CDC6: variants seen among roughly 807,000 people sequenced by gnomAD.
CDC6 encodes the protein DNA replication factor CDC6.
CDC6 carries 46 observed loss-of-function variants against 60.2 expected under a neutral mutation model. The observed-to-expected ratio is 0.76, with a 90% CI of 0.60 to 0.98. The LOEUF (loss-of-function observed/expected upper bound fraction) is 0.98. Among genes scored for constraint, CDC6 ranks in the 50% least tolerant of loss-of-function variants. The pLI is 0.00. For missense variants in CDC6, 596 were observed against 652.9 expected, an observed-to-expected ratio of 0.91 and a Z score of 0.95; for synonymous variants, 210 against 233.2, an observed-to-expected ratio of 0.90 and a Z score of 0.90.
chr17:40,293,874 A>G, intron 5 of CDC6, 76 bp from the exon 6 acceptor site: 3 of 1,269,924 alleles, frequency 2.4e-6, no homozygotes, highest in Non-Finnish European at 2.3e-6. Flanking sequence ...TAGGAAAGTG[A>G]CCTGAAGTCA....
chr17:40,294,468 C>G lies in CDC6; in HGVS notation c.1048C>G (p.Gln350Glu). The G allele has an allele frequency of 6.2e-7, 1 of 1,613,998 alleles. No individual in the cohort carries two copies. Among genetic ancestry groups the G allele is most frequent in the Non-Finnish European group, 8.5e-7 (1 of 1,179,912 alleles). ...GAACTTCCCACCTTATACCAGAAATCAGATAGTCACTATTTTGCAAGATCG... is the reference window on the plus strand; with the variant it reads ...GAACTTCCCACCTTATACCAGAAATGAGATAGTCACTATTTTGCAAGATCG... ...LLNFPPYTRN[Q>E]IVTILQDRLN... The change falls in exon 7 of 12, where the codon CAG becomes GAG. Residue 350 changes from glutamine (Q) to glutamate (E), a missense_variant. By Grantham distance (29) the Gln-to-Glu change is conservative. Transcript: ENST00000209728.
Position 40,291,225 on chromosome 17 carries a change from C to G in CDC6, c.346C>G (p.His116Asp), listed in dbSNP as rs1272291784. The G allele has an allele frequency of 2.5e-6, 4 of 1,614,038 alleles. No individual in the cohort carries two copies. The highest frequency in any genetic ancestry group is 1.3e-5 in the African/African-American group (1 of 74,932). ...SPSKRELAKV[H>D]QNKILSSVRK... Reference sequence around the variant, plus strand: ...TAGCAAAAGAGAACTAGCCAAAGTTCACCAAAACAAAATACTTTCTTCAGT... The same window carrying G: ...TAGCAAAAGAGAACTAGCCAAAGTTGACCAAAACAAAATACTTTCTTCAGT... Residue 116 changes from histidine to aspartate, a missense_variant, in exon 3 of 12, where the codon CAC (histidine) becomes GAC (aspartate). Transcript: ENST00000209728.
Position 40,289,537 on chromosome 17 carries a change from C to T in CDC6, c.117C>T (p.Val39=), listed in dbSNP as rs1306909466. 6.2e-7 allele frequency: 1 copy of T among 1,613,838 alleles called. No individual in the cohort carries two copies. Among genetic ancestry groups the T allele is most frequent in the Non-Finnish European group, 8.5e-7 (1 of 1,179,978 alleles). Reference sequence around the variant, plus strand: ...ATGCCAAACTAGAACCAACAAATGTCCAAACCGTAACCTGTTCTCCTCGTG... The same window carrying T: ...ATGCCAAACTAGAACCAACAAATGTTCAAACCGTAACCTGTTCTCCTCGTG... ...SSDAKLEPTN[V]QTVTCSPRVK... The change falls in exon 2 of 12, where the codon GTC becomes GTT. Residue 39 remains valine, a synonymous_variant. Transcript: ENST00000209728.
At chr17:40,298,291 A>C (rs2032888378) in intron 9 of CDC6, among the ~76,000 whole-genome samples, 1 of 152,062 alleles carries the variant, frequency 6.6e-6, no homozygotes, top group Admixed American at 6.5e-5. Flanking sequence ...TAGGCTTGTC[A>C]CTGGCCCCTG....
chr17:40,291,297 C>T lies in CDC6; in HGVS notation c.418C>T (p.Leu140=). The stretch of plus-strand genomic sequence containing the variant: ...AACAAATTCTGAGCAGAGATGTCCA[C>T]TGAAGAAAGAATCTGCATGTGTGAG... ...ITTNSEQRCP[L]KKESACVRLF... is the part of the protein sequence containing the mutation. Residue 140 remains leucine, a synonymous_variant, in exon 3 of 12, where the codon CTG becomes TTG. Transcript: ENST00000209728. The T allele has an allele frequency of 6.2e-7, 1 of 1,614,204 alleles. No homozygotes were observed. Among genetic ancestry groups the T allele is most frequent in the Non-Finnish European group, 8.5e-7 (1 of 1,180,010 alleles).
At chr17:40,288,469 AG>A (rs1359501269) in intron 1 of CDC6, among the ~76,000 whole-genome samples, 1 of 150,764 alleles carries the variant, frequency 6.6e-6, no homozygotes, top group Non-Finnish European at 1.5e-5. Context: ...CCCAGGCTGT[AG>A]TGCAGTGGTG....
At chr17:40,290,488 G>C (rs2143071643) in intron 2 of CDC6, among the ~76,000 whole-genome samples, 1 of 152,232 alleles carries the variant, frequency 6.6e-6, no homozygotes. Context: ...TGCCAAGGTT[G>C]AGAAAACCTG....
At chr17:40,299,138 C>CTGTTTTTTTT (rs2032900631) in intron 9 of CDC6, among the ~76,000 whole-genome samples, 1 of 60,802 alleles carries the variant, frequency 1.6e-5, no homozygotes, top group East Asian at 5.4e-4. Flanking sequence ...AGGCCATAGT[C>CTGTTTTTTTT]TTTTTTTTTT....
intron 9 of CDC6, among the ~76,000 whole-genome samples, chr17:40,300,226 A>G (rs2032918430): frequency 6.6e-6 from 1 of 152,108 alleles, no homozygotes; most frequent in Non-Finnish European, 1.5e-5. Flanking sequence ...GATCTCCCAA[A>G]GTGCTGGGAT....
At chr17:40,295,632 G>A in intron 8 of CDC6, 176 bp downstream of exon 8, 1 of 614,078 alleles carries the variant, frequency 1.6e-6, no homozygotes, top group Admixed American at 2.7e-5. Flanking sequence ...CCGTGTTAAT[G>A]TCTGAAACAT....
At position 40,291,470 on chromosome 17, in the gene CDC6, C is replaced by T; in HGVS notation, c.462C>T (p.Gly154=). 1.9e-6 allele frequency: 3 copies of T among 1,614,124 alleles called. No homozygotes were observed. Among genetic ancestry groups the T allele is most frequent in the Non-Finnish European group, 2.5e-6 (3 of 1,179,976 alleles). The part of the protein sequence containing the change: ...SACVRLFKQE[G]TCYQQAKLVL... The stretch of plus-strand genomic sequence containing the variant: ...ATTGACCTTTTATGTCTGGCACAGG[C>T]ACTTGCTACCAGCAAGCAAAGCTGG... The change falls in exon 4 of 12, where the codon GGC becomes GGT. Residue 154 remains glycine, a splice_region_variant and synonymous_variant. Transcript: ENST00000209728.
At chr17:40,288,636 G>A (rs2032699188) in intron 1 of CDC6, among the ~76,000 whole-genome samples, 3 of 150,442 alleles carry the variant, frequency 2.0e-5, no homozygotes, top group Admixed American at 2.0e-4. Flanking sequence ...CCAGGCTGGA[G>A]TGCAGTGGCG....
chr17:40,302,082 C>A lies in CDC6; in HGVS notation c.*81C>A. The A allele has an allele frequency of 1.2e-6, 1 of 851,278 alleles. No homozygotes were observed. The highest frequency in any genetic ancestry group is 1.4e-5 in the South Asian group (1 of 73,872). The allele number at this position is 851,278 out of a possible 1,614,324, so 52.7% of individuals were successfully genotyped here. Reference sequence around the variant, plus strand: ...TCTTCATTTTAGTGCTTTACACATTCGGGCCTGAAAACAAATATGACCTTT... The same window carrying A: ...TCTTCATTTTAGTGCTTTACACATTAGGGCCTGAAAACAAATATGACCTTT... On this transcript the variant is annotated 3_prime_UTR_variant, in exon 12 of 12. Coordinates refer to ENST00000209728, the MANE Select transcript of CDC6 (RefSeq NM_001254.4).
chr17:40,294,149 C>A, intron 6 of CDC6, 93 bp downstream of exon 6: 1 of 1,093,550 alleles, frequency 9.1e-7, no homozygotes. Context: ...TATCTTAAAC[C>A]AGCTTTCTGC....
chr17:40,288,117 T>C (rs1230742799), intron 1 of CDC6, 27 bp downstream of exon 1: 1 of 153,256 alleles, frequency 6.5e-6, no homozygotes, highest in African/African-American at 2.4e-5. Context: ...AGAGCTGAGC[T>C]CGCTGGAGGT....
chr17:40,293,290 G>A (rs1375263996), intron 4 of CDC6, among the ~76,000 whole-genome samples, 166 bp from the exon 5 acceptor site: 1 of 152,140 alleles, frequency 6.6e-6, no homozygotes, highest in African/African-American at 2.4e-5. Context: ...TTAGAAGATT[G>A]AGGGTTTCTT....
chr17:40,300,603 G>T (rs983330790), intron 9 of CDC6, among the ~76,000 whole-genome samples: 60 of 152,166 alleles, frequency 3.9e-4, no homozygotes, highest in African/African-American at 1.4e-3. Flanking sequence ...CAGAGAAAGG[G>T]TAACCCTACT....
chr17:40,298,557 C>T (rs1459047324), intron 9 of CDC6, among the ~76,000 whole-genome samples: 1 of 152,044 alleles, frequency 6.6e-6, no homozygotes, highest in East Asian at 1.9e-4. Context: ...CCAGCTACTG[C>T]TAATTTTAAA....
At position 40,302,411 on chromosome 17, in the gene CDC6, A is replaced by T; in HGVS notation, c.*410A>T. On this transcript the variant is annotated 3_prime_UTR_variant, in exon 12 of 12. Transcript: ENST00000209728. The stretch of plus-strand genomic sequence containing the variant: ...ACCCTGTTGCCCAGGCTGGAGTGCA[A>T]TGGCGCGTTCTCTGCTCACTACAGC... The T allele has an allele frequency of 8.7e-6, 2 of 230,022 alleles. No homozygotes were observed. Among genetic ancestry groups the T allele is most frequent in the Non-Finnish European group, 1.7e-5 (2 of 115,836 alleles). 14.2% of individuals were successfully genotyped at this position (230,022 alleles called of 1,614,324 possible).
Sources: gnomAD v4.1 joint callset for allele counts (sites outside exome capture counted in the v4.1 genomes callset) on GRCh38, gnomAD v4.1.1 for gene constraint, MANE v1.5 for transcripts, NCBI Gene and HGNC (gene_info 2026-07-23, HGNC 2026-07-21) for gene names.